Variants in UVSSA observed in about 807,000 individuals in gnomAD.
UVSSA encodes UV-stimulated scaffold protein A.
In UVSSA, 72 loss-of-function variants were observed where a neutral mutation model predicts 73.9. That is an observed-to-expected ratio of 0.97 (90% CI 0.81 to 1.19). The LOEUF (loss-of-function observed/expected upper bound fraction) is 1.19, where lower values mean the gene tolerates loss of function less well. Ranked by LOEUF, UVSSA falls within the 50% of genes most tolerant of loss-of-function variation. The probability of loss-of-function intolerance (pLI) is 0.00; values close to 1 mark genes in which losing one functional copy is unlikely to be tolerated. For missense variants in UVSSA, 1,150 were observed against 965.0 expected, an observed-to-expected ratio of 1.19 and a Z score of -2.54; for synonymous variants, 454 against 391.3, an observed-to-expected ratio of 1.16 and a Z score of -1.89.
chr4:1,376,094 G>A lies in UVSSA; in HGVS notation c.1494G>A (p.Arg498=). Residue 498 remains arginine (R), a synonymous_variant, in exon 10 of 14, where the codon CGG becomes CGA. Transcript: ENST00000389851. The part of the protein sequence containing the change: ...EAQKLAAERA[R]APVVPYGVDL... ...AGAAGCTGGCAGCAGAGCGGGCCCG[G>A]GCGCCTGTGGTGCCCTACGGCGTGG... The A allele has an allele frequency of 6.2e-7, 1 of 1,604,012 alleles. No homozygotes were observed. The highest frequency in any genetic ancestry group is 1.3e-5 in the African/African-American group (1 of 74,896).
chr4:1,387,724 C>T lies in UVSSA; in HGVS notation c.*1763C>T, dbSNP rs1041440559. ...ATTTTTCCCCATTGAATTATCTTCGCACCATTATTGATAATCAGTTGACCA... is the reference window on the plus strand; with the variant it reads ...ATTTTTCCCCATTGAATTATCTTCGTACCATTATTGATAATCAGTTGACCA... On this transcript the variant is annotated 3_prime_UTR_variant, in exon 14 of 14. Coordinates refer to ENST00000389851, the MANE Select transcript of UVSSA (RefSeq NM_020894.4). The T allele has an allele frequency of 1.3e-5, 2 of 152,188 alleles. No homozygotes were observed. The highest frequency in any genetic ancestry group is 4.8e-5 in the African/African-American group (2 of 41,446). 9.4% of individuals were successfully genotyped at this position (152,188 alleles called of 1,614,324 possible).
intron 10 of UVSSA, among the ~76,000 whole-genome samples, chr4:1,377,887 G>A (rs527408187): frequency 5.4e-4 from 82 of 152,260 alleles, no homozygotes; most frequent in Admixed American, 1.2e-3. Flanking sequence ...ACATGGCAGC[G>A]GCCCGGGCTG....
At position 1,348,185 on chromosome 4, in the gene UVSSA, T is replaced by C. The variant is rs387907164; in HGVS notation, c.94T>C (p.Cys32Arg). Residue 32 changes from cysteine (C) to arginine (R), a missense_variant, in exon 2 of 14, where the codon TGC (cysteine) becomes CGC (arginine). Cys to Arg is a radical substitution (Grantham distance 180, BLOSUM62 -3). Coordinates refer to ENST00000389851, the MANE Select transcript of UVSSA (RefSeq NM_020894.4). ...PEKMKELKKI[C>R]KSSEEQLSRA... ...GAAAATGAAGGAACTGAAGAAAATT[T>C]GCAAGTATGTCTTAGGGTTCAGTAA... The C allele has an allele frequency of 1.9e-6, 3 of 1,612,822 alleles. No individual in the cohort carries two copies. The East Asian group carries it at 6.7e-5, about 36-fold the overall frequency.
intron 7 of UVSSA, among the ~76,000 whole-genome samples, chr4:1,364,692 G>A (rs571824179): frequency 3.9e-5 from 6 of 152,242 alleles, no homozygotes; most frequent in Non-Finnish European, 8.8e-5. Context: ...GCTGTGCTGT[G>A]GGAACAGGAA....
intron 1 of UVSSA, 57 bp from the exon 2 acceptor site, chr4:1,348,033 A>T (rs1281369566): frequency 3.5e-6 from 5 of 1,421,466 alleles, no homozygotes; most frequent in Non-Finnish European, 4.9e-6. Flanking sequence ...CGTTAATAAC[A>T]CCGAGAGCTA....
rs9996817 is a variant in UVSSA at position 1,383,827 on chromosome 4, A to G, written c.1923A>G (p.Ser641=). The change falls in exon 13 of 14, where the codon TCA becomes TCG. Residue 641 remains serine (S), a synonymous_variant. Transcript: ENST00000389851. ...CAGCCACAGGGCAGGATCTCGGCTC[A>G]TCCAGGTACAGCGGGAAAGGCAGGG... ...VEAATGQDLG[S]SRYSGKGRGK... 1,162,334 of 1,613,072 alleles carry G rather than the reference A, an allele frequency of 0.72. 420,087 individuals are homozygous for G. Among genetic ancestry groups the G allele is most frequent in the Admixed American group, 0.83 (49,898 of 60,006 alleles).
At chr4:1,394,433 T>G in exon 14 of UVSSA, 1 of 1,598,748 alleles carries the variant, frequency 6.3e-7, no homozygotes, top group Non-Finnish European at 8.6e-7. Flanking sequence ...GATCTACTTC[T>G]AGTTTTTGAT....
chr4:1,349,375 C>G, intron 2 of UVSSA, 149 bp from the exon 3 acceptor site: 2 of 774,936 alleles, frequency 2.6e-6, no homozygotes, highest in Non-Finnish European at 4.0e-6. Flanking sequence ...CAGTAGTTTG[C>G]AGACCCTGCT....
At chr4:1,371,969 T>G (rs183150944) in intron 8 of UVSSA, among the ~76,000 whole-genome samples, 1 of 152,230 alleles carries the variant, frequency 6.6e-6, no homozygotes, top group African/African-American at 2.4e-5. Context: ...CAGGGATACC[T>G]CTGCACCCGT....
At chr4:1,365,971 C>T (rs1413428198) in intron 7 of UVSSA, 1 of 176,764 alleles carries the variant, frequency 5.7e-6, no homozygotes, top group Non-Finnish European at 1.2e-5. Flanking sequence ...GAAGATAACT[C>T]CCCTAAGCCC....
intron 2 of UVSSA, 54 bp from the exon 3 acceptor site, chr4:1,349,470 C>G (rs1247652928): frequency 1.3e-6 from 2 of 1,554,068 alleles, no homozygotes; most frequent in Non-Finnish European, 1.8e-6. Context: ...AGAGTCTCCC[C>G]CCGCCCATCC....
At chr4:1,361,625 T>A (rs1207535851) in intron 7 of UVSSA, among the ~76,000 whole-genome samples, 1 of 152,198 alleles carries the variant, frequency 6.6e-6, no homozygotes, top group Non-Finnish European at 1.5e-5. Context: ...TCAAGGTGCG[T>A]CCCTGGCAGC....
chr4:1,392,348 A>G (rs1234045929), downstream of UVSSA: 1 of 152,232 alleles, frequency 6.6e-6, no homozygotes, highest in African/African-American at 2.4e-5. Flanking sequence ...ACAAACAGAA[A>G]TGAGTTTCTG....
At position 1,353,835 on chromosome 4, in the gene UVSSA, G is replaced by T. The variant is rs908623782; in HGVS notation, c.934+422G>T. On this transcript the variant is annotated intron_variant, in intron 5 of 13. Transcript: ENST00000389851. ...TCAGGGTCCCGTGTCGCCATGAGGG[G>T]TCAGGTAGCACCGGCCCTTGCTGGG... 4.6e-5 allele frequency among the ~76,000 whole-genome samples: 7 copies of T among 152,202 alleles called. 1 individual carries two copies. Among genetic ancestry groups the T allele is most frequent in the Admixed American group, 3.3e-4 (5 of 15,290 alleles).
chr4:1,353,763 G>A (rs967142234), intron 5 of UVSSA, among the ~76,000 whole-genome samples: 15 of 152,198 alleles, frequency 9.9e-5, no homozygotes, highest in African/African-American at 3.6e-4. Context: ...CCAAGTGACT[G>A]GATCCCTGGG....
rs200811036 is a variant in UVSSA, at chr4:1,351,781, C to A, written c.496C>A (p.His166Asn). The change falls in exon 4 of 14, where the codon CAC (histidine) becomes AAC (asparagine). Residue 166 changes from histidine (H) to asparagine (N), a missense_variant. His to Asn is a moderately conservative substitution (Grantham distance 68). Transcript: ENST00000389851. ...GAAGAGAGAAGAGGAGAAGCAGAAG[C>A]ACTTGGATAAAATTTATCAAGAAAG... ...ERKREEEKQK[H>N]LDKIYQERAS... The A allele has an allele frequency of 6.2e-7, 1 of 1,613,728 alleles. No homozygotes were observed. Among genetic ancestry groups the A allele is most frequent in the Non-Finnish European group, 8.5e-7 (1 of 1,179,908 alleles).
chr4:1,352,656 A>G (rs1560426512), intron 4 of UVSSA, among the ~76,000 whole-genome samples: 1 of 152,242 alleles, frequency 6.6e-6, no homozygotes, highest in African/African-American at 2.4e-5. Context: ...AAGCGGTTAA[A>G]AAGTGCAGCA....
chr4:1,345,644 C>CA (rs71168831), upstream of UVSSA, among the ~76,000 whole-genome samples: 1,692 of 55,928 alleles, frequency 0.03, 208 homozygotes, highest in Non-Finnish European at 0.038. Context: ...GACTTTGTCT[C>CA]AAAAAAAAAA....
At chr4:1,375,623 G>A in intron 9 of UVSSA, 115 bp downstream of exon 9, 1 of 1,476,208 alleles carries the variant, frequency 6.8e-7, no homozygotes, top group Non-Finnish European at 9.0e-7. Context: ...TATCTTGGTG[G>A]AAGCCTTGGG....
Sources: gnomAD v4.1 joint callset for allele counts (sites outside exome capture counted in the v4.1 genomes callset) on GRCh38, gnomAD v4.1.1 for gene constraint, MANE v1.5 for transcripts, NCBI Gene and HGNC (gene_info 2026-07-23, HGNC 2026-07-21) for gene names.